Variants in MYL3 observed in about 807,000 individuals in gnomAD.
MYL3 encodes CMLC1.
A neutral mutation model predicts 21.3 loss-of-function variants in MYL3; 11 were observed. That is an observed-to-expected ratio of 0.52 (90% CI 0.32 to 0.85). The LOEUF (loss-of-function observed/expected upper bound fraction) is 0.85, where lower values mean the gene tolerates loss of function less well. Among genes scored for constraint, MYL3 ranks in the 40% least tolerant of loss-of-function variants. MYL3 has a pLI of 0.03. For synonymous variants in MYL3, 88 were observed against 91.6 expected, an observed-to-expected ratio of 0.96 and a Z score of 0.22; for missense variants, 206 against 253.3, an observed-to-expected ratio of 0.81 and a Z score of 1.27.
At chr3:46,864,467 G>T (rs1467404405), upstream of MYL3, among the ~76,000 whole-genome samples, 1 of 151,928 alleles carries the variant, frequency 6.6e-6, no homozygotes, top group Non-Finnish European at 1.5e-5. The surrounding 1 kb of genome is among the most constrained non-coding windows in gnomAD (Gnocchi z 4.7). Flanking sequence ...AGGCCCCAGG[G>T]ATGCACATTT....
Position 46,861,129 on chromosome 3 carries a change from C to T in MYL3, c.130-142G>A. The stretch of plus-strand genomic sequence containing the variant: ...ATCCCAGCCTGCACCCCCAGGACCT[C>T]CTGCAGTCCATCTTGACGCCCTCCT... On this transcript the variant is annotated intron_variant, in intron 1 of 6. Transcript: ENST00000292327. The surrounding 1 kb of genome is among the most constrained non-coding windows in gnomAD (Gnocchi z 4.2). The T allele has an allele frequency of 1.0e-6, 1 of 961,104 alleles. No homozygotes were observed. Among genetic ancestry groups the T allele is most frequent in the Non-Finnish European group, 1.7e-6 (1 of 605,766 alleles). 59.5% of individuals were successfully genotyped at this position (961,104 alleles called of 1,614,324 possible). A position where few individuals can be genotyped will look rare whatever the true frequency, so the allele number is the denominator to read the frequency against.
chr3:46,859,790 G>A lies in MYL3; in HGVS notation c.308-142C>T, dbSNP rs1701970624. 3.9e-6 allele frequency: 4 copies of A among 1,018,426 alleles called. No homozygotes were observed. The highest frequency in any genetic ancestry group is 6.1e-6 in the Non-Finnish European group (4 of 657,794). 63.1% of individuals were successfully genotyped at this position (1,018,426 alleles called of 1,614,324 possible). A position where few individuals can be genotyped will look rare whatever the true frequency, so the allele number is the denominator to read the frequency against. On this transcript the variant is annotated intron_variant, in intron 3 of 6. Transcript: ENST00000292327. This position sits in a 1 kb window ranked among gnomAD's most constrained non-coding sequence, Gnocchi z 4.1. ...CCAGTTCTCACAGCAGTCTACACCAGTTTGCCATTTAAAAGCAAACTACCA... is the reference window on the plus strand; with the variant it reads ...CCAGTTCTCACAGCAGTCTACACCAATTTGCCATTTAAAAGCAAACTACCA...
upstream of MYL3, chr3:46,863,534 T>A: frequency 1.2e-6 from 1 of 861,292 alleles, no homozygotes; most frequent in South Asian, 1.7e-5. Context: ...GACAGGGCCA[T>A]AAAAGGATAT....
At chr3:46,876,427 C>T (rs2030217618) in intron 1 of MYL3, among the ~76,000 whole-genome samples, 1 of 152,226 alleles carries the variant, frequency 6.6e-6, no homozygotes, top group Non-Finnish European at 1.5e-5. Flanking sequence ...GAATAGCCTA[C>T]GTGTCCCAGG....
rs1701993020 is a variant in MYL3, at chr3:46,861,579, A to G, written c.130-592T>C. Among the ~76,000 whole-genome samples, 1 of 152,114 alleles carries G rather than the reference A, an allele frequency of 6.6e-6. No individual in the cohort carries two copies. Among genetic ancestry groups the G allele is most frequent in the Admixed American group, 6.5e-5 (1 of 15,278 alleles). On this transcript the variant is annotated intron_variant, in intron 1 of 6. Coordinates refer to ENST00000292327, the MANE Select transcript of MYL3 (RefSeq NM_000258.3). This position sits in a 1 kb window ranked among gnomAD's most constrained non-coding sequence, Gnocchi z 4.2. The stretch of plus-strand genomic sequence containing the variant: ...CAGGCAGTCACTCACCAGCCCCACT[A>G]TACCTATTTCTCACACACCCTGTCC...
At position 46,879,568 on chromosome 3, in the gene MYL3, C is replaced by T. The variant is rs2030428891; in HGVS notation, c.-218+2506G>A. ...GACCAGTCTAGGCAACAAAGTGAGACCTCGTCTCTACAAAAAAAAAATTTT... is the reference window on the plus strand; with the variant it reads ...GACCAGTCTAGGCAACAAAGTGAGATCTCGTCTCTACAAAAAAAAAATTTT... On this transcript the variant is annotated intron_variant, in intron 1 of 3. Coordinates refer to the MYL3 transcript ENST00000431168. The surrounding 1 kb of genome is among the most constrained non-coding windows in gnomAD (Gnocchi z 4.7). Among the ~76,000 whole-genome samples, 1 of 152,032 alleles carries T rather than the reference C, an allele frequency of 6.6e-6. No homozygotes were observed. The highest frequency in any genetic ancestry group is 2.4e-5 in the African/African-American group (1 of 41,360).
chr3:46,858,555 T>G, intron 4 of MYL3, 94 bp from the exon 5 acceptor site: 1 of 1,181,126 alleles, frequency 8.5e-7, no homozygotes, highest in Non-Finnish European at 1.2e-6. Flanking sequence ...TGGCTCAACC[T>G]CTCCAGTATT....
intron 1 of MYL3, among the ~76,000 whole-genome samples, chr3:46,876,177 T>C (rs2030202406): frequency 6.6e-6 from 1 of 152,366 alleles, no homozygotes; most frequent in Admixed American, 6.5e-5. Flanking sequence ...ACTGAGGCCA[T>C]GAGCAGGAAG....
Position 46,861,074 on chromosome 3 carries a change from G to T in MYL3, c.130-87C>A, listed in dbSNP as rs992439903. ...GGGCACTCGGTGGCCAGCCCAGAAT[G>T]TCAACTGTCTCAGCCTGTCCCATTC... On this transcript the variant is annotated intron_variant, in intron 1 of 6. Transcript: ENST00000292327. This position sits in a 1 kb window ranked among gnomAD's most constrained non-coding sequence, Gnocchi z 4.2. 6.8e-6 allele frequency: 10 copies of T among 1,471,906 alleles called. No homozygotes were observed. The Admixed American group carries it at 1.2e-4, about 18-fold the overall frequency. The allele number at this position is 1,471,906 out of a possible 1,614,324, so 91.2% of individuals were successfully genotyped here. A position where few individuals can be genotyped will look rare whatever the true frequency, so the allele number is the denominator to read the frequency against.
At chr3:46,862,160 G>A (rs932471919) in intron 1 of MYL3, among the ~76,000 whole-genome samples, 5 of 152,178 alleles carry the variant, frequency 3.3e-5, no homozygotes, top group East Asian at 3.9e-4. Flanking sequence ...AAGGCCTGGC[G>A]AGAAAGGACA....
At chr3:46,864,833 C>T (rs985847878), upstream of MYL3, among the ~76,000 whole-genome samples, 5 of 152,184 alleles carry the variant, frequency 3.3e-5, no homozygotes, top group East Asian at 1.9e-4. The surrounding 1 kb of genome is among the most constrained non-coding windows in gnomAD (Gnocchi z 4.7). Context: ...TACAGCCTGA[C>T]GGGACTGCCA....
At chr3:46,873,098 TGC>T (rs2030001793) in intron 1 of MYL3, among the ~76,000 whole-genome samples, 1 of 152,058 alleles carries the variant, frequency 6.6e-6, no homozygotes, top group Admixed American at 6.5e-5. Context: ...TATCATGCCG[TGC>T]TAAATTTTCT....
chr3:46,869,445 G>A (rs1702083670), intron 1 of MYL3, among the ~76,000 whole-genome samples: 1 of 152,160 alleles, frequency 6.6e-6, no homozygotes, highest in Non-Finnish European at 1.5e-5. Context: ...GCTGCACCCT[G>A]GGCCACATTC....
chr3:46,866,882 GACCC>G (rs1702051807), upstream of MYL3, among the ~76,000 whole-genome samples: 1 of 152,132 alleles, frequency 6.6e-6, no homozygotes, highest in African/African-American at 2.4e-5. Flanking sequence ...AGGTGAGGGT[GACCC>G]CTGTGGTACA....
chr3:46,880,875 A>C (rs1348090304), intron 1 of MYL3, among the ~76,000 whole-genome samples: 4 of 152,146 alleles, frequency 2.6e-5, no homozygotes, highest in Non-Finnish European at 5.9e-5. Context: ...AGGCCTTAGG[A>C]CTTGGGCTTG....
upstream of MYL3, among the ~76,000 whole-genome samples, chr3:46,867,964 C>T (rs115817362): frequency 0.022 from 3,359 of 152,282 alleles, 71 homozygotes; most frequent in South Asian, 0.1. Flanking sequence ...ATGGGGAGAC[C>T]GTGGCCCCAA....
In MYL3 at chr3:46,874,483, C is replaced by T. The variant is rs2030078528; in HGVS notation, c.-218+7591G>A. The stretch of plus-strand genomic sequence containing the variant: ...CCCGGCCACAGCCCCCGGCAAGGAC[C>T]CAGTGTCTGAGCTAACCCCCTCCCC... On this transcript the variant is annotated intron_variant, in intron 1 of 3. Transcript: ENST00000431168. The surrounding 1 kb of genome is among the most constrained non-coding windows in gnomAD (Gnocchi z 4.1). Among the ~76,000 whole-genome samples the T allele has an allele frequency of 6.6e-6, 1 of 152,164 alleles. No individual in the cohort carries two copies. Among genetic ancestry groups the T allele is most frequent in the Admixed American group, 6.5e-5 (1 of 15,280 alleles).
intron 1 of MYL3, among the ~76,000 whole-genome samples, chr3:46,877,286 C>T (rs2030276191): frequency 6.6e-6 from 1 of 152,118 alleles, no homozygotes; most frequent in East Asian, 1.9e-4. Context: ...CTGCCTGTGA[C>T]ACAGGCAAGA....
chr3:46,866,815 C>A (rs763752521), upstream of MYL3, among the ~76,000 whole-genome samples: 14 of 152,154 alleles, frequency 9.2e-5, no homozygotes, highest in Non-Finnish European at 8.8e-5. Context: ...GCCTCCAAGC[C>A]CACCCACCAC....
Sources: gnomAD v4.1 joint callset for allele counts (sites outside exome capture counted in the v4.1 genomes callset) on GRCh38, gnomAD v4.1.1 for gene constraint, Gnocchi (gnomAD v3.1) non-coding constraint, MANE v1.5 for transcripts, NCBI Gene and HGNC (gene_info 2026-07-23, HGNC 2026-07-21) for gene names.